Variants in MIPEP observed in about 807,000 individuals in gnomAD.
MIPEP encodes the protein mitochondrial intermediate peptidase.
MIPEP carries 79 observed loss-of-function variants against 90.3 expected under a neutral mutation model. That is an observed-to-expected ratio of 0.87 (90% CI 0.73 to 1.05). The LOEUF is 1.05. MIPEP is among the 50% of genes least tolerant of loss of function. The pLI is 0.00. For missense variants in MIPEP, 940 were observed against 905.6 expected, an observed-to-expected ratio of 1.04 and a Z score of -0.49; for synonymous variants, 334 against 315.8, an observed-to-expected ratio of 1.06 and a Z score of -0.61.
intron 16 of MIPEP, among the ~76,000 whole-genome samples, chr13:23,777,985 A>G (rs1221567609): frequency 2.6e-5 from 4 of 152,254 alleles, no homozygotes; most frequent in Admixed American, 2.6e-4. Context: ...ATAAATGTAA[A>G]CTATCATTTG....
At chr13:23,762,904 G>A (rs2138520049) in intron 16 of MIPEP, among the ~76,000 whole-genome samples, 1 of 152,316 alleles carries the variant, frequency 6.6e-6, no homozygotes, top group South Asian at 2.1e-4. Flanking sequence ...TGCCCTAGGT[G>A]GGAGGAGCTG....
rs1269687709 is a variant in MIPEP at position 23,825,894 on chromosome 13, ACTTCT to A, written c.1653+10341_1653+10345del. Among the ~76,000 whole-genome samples the A allele has an allele frequency of 2.6e-5, 4 of 152,308 alleles. No homozygotes were observed. In the South Asian group the frequency reaches 8.3e-4, roughly 32 times the overall value. ...GAAAAAATTATGAGAGTGAGTATTAACTTCTCTTAACATCGCTTTAAAAATATTCA... is the reference window on the plus strand; with the variant it reads ...GAAAAAATTATGAGAGTGAGTATTAACTTAACATCGCTTTAAAAATATTCA... On this transcript the variant is annotated intron_variant, in intron 14 of 18. Transcript: ENST00000382172.
Position 23,879,291 on chromosome 13 carries a change from C to T in MIPEP, c.516G>A (p.Val172=). 1.2e-6 allele frequency: 2 copies of T among 1,605,032 alleles called. No individual in the cohort carries two copies. The highest frequency in any genetic ancestry group is 1.7e-6 in the Non-Finnish European group (2 of 1,172,264). ...ACCTTGTTTCTGGATCAAGGGAATCCACAAGTTTTTTATCAGCTAGTAATT... is the reference window on the plus strand; with the variant it reads ...ACCTTGTTTCTGGATCAAGGGAATCTACAAGTTTTTTATCAGCTAGTAATT... ...LQKLLADKKL[V]DSLDPETRRV... Residue 172 remains valine, a synonymous_variant, in exon 4 of 19, where the codon GTG becomes GTA. Transcript: ENST00000382172.
At chr13:23,864,042 A>C in intron 8 of MIPEP, 99 bp downstream of exon 8, 1 of 686,746 alleles carries the variant, frequency 1.5e-6, no homozygotes, top group East Asian at 2.8e-5. Flanking sequence ...GCCAAAACTT[A>C]TATTCTAGGT....
intron 18 of MIPEP, among the ~76,000 whole-genome samples, chr13:23,741,519 G>A (rs1952328453): frequency 6.6e-6 from 1 of 152,110 alleles, no homozygotes; most frequent in Non-Finnish European, 1.5e-5. Context: ...ATCTTTTGCA[G>A]AAACCTGGAT....
chr13:23,827,718 G>C (rs1868530412), intron 14 of MIPEP, among the ~76,000 whole-genome samples: 1 of 152,116 alleles, frequency 6.6e-6, no homozygotes, highest in Non-Finnish European at 1.5e-5. Context: ...GATCAACTGG[G>C]GTCAGGAGCT....
In MIPEP at chr13:23,870,047, A is replaced by G. The variant is rs1279111735; in HGVS notation, c.752T>C (p.Ile251Thr). The G allele has an allele frequency of 6.2e-7, 1 of 1,609,324 alleles. No homozygotes were observed. ...NFTSAGDHII[I>T]DGLHAESPDD... is the part of the protein sequence containing the mutation. ...TGGTGATTCTGCGTGGAGACCATCA[A>G]TTATGATATGATCCCCAGCAGATGT... The change falls in exon 6 of 19, where the codon ATT (isoleucine) becomes ACT (threonine). Residue 251 changes from isoleucine to threonine, a missense_variant. Ile to Thr is a moderately conservative substitution (Grantham distance 89). Transcript: ENST00000382172.
At chr13:23,761,556 A>G (rs143933992) in intron 16 of MIPEP, among the ~76,000 whole-genome samples, 85 of 152,328 alleles carry the variant, frequency 5.6e-4, no homozygotes, top group African/African-American at 2.0e-3. Context: ...TCCACTGGAA[A>G]CTTCTTTTCC....
intron 16 of MIPEP, among the ~76,000 whole-genome samples, chr13:23,762,836 C>T (rs1952562179): frequency 6.6e-6 from 1 of 152,172 alleles, no homozygotes; most frequent in Admixed American, 6.5e-5. Context: ...AATACACAAC[C>T]AACAGCGGGG....
At chr13:23,885,841 G>A (rs1440715204) in intron 2 of MIPEP, among the ~76,000 whole-genome samples, 5 of 150,502 alleles carry the variant, frequency 3.3e-5, no homozygotes, top group South Asian at 2.1e-4. Flanking sequence ...TTGGGAGGCC[G>A]AGGCAGGAGG....
intron 14 of MIPEP, among the ~76,000 whole-genome samples, chr13:23,818,214 C>T (rs1395500131): frequency 2.0e-5 from 3 of 151,546 alleles, no homozygotes; most frequent in African/African-American, 4.9e-5. Flanking sequence ...GTCAAGGGTT[C>T]GAGGCCAGTC....
At chr13:23,832,117 T>C (rs1373546484) in intron 14 of MIPEP, among the ~76,000 whole-genome samples, 1 of 152,218 alleles carries the variant, frequency 6.6e-6, no homozygotes, top group Non-Finnish European at 1.5e-5. Flanking sequence ...ATGAGGGCTC[T>C]GCCCTCATAA....
intron 18 of MIPEP, 54 bp from the exon 19 acceptor site, chr13:23,730,499 C>G: frequency 8.5e-7 from 1 of 1,171,000 alleles, no homozygotes; most frequent in Non-Finnish European, 1.3e-6. Context: ...ACAGGAAGCA[C>G]AAAGACACAA....
intron 18 of MIPEP, among the ~76,000 whole-genome samples, chr13:23,751,410 T>A (rs1168997827): frequency 6.6e-6 from 1 of 152,180 alleles, no homozygotes; most frequent in Non-Finnish European, 1.5e-5. Context: ...ACAAACAAAA[T>A]CGAGTTTCAG....
chr13:23,781,024 C>T (rs1175291796), intron 16 of MIPEP, among the ~76,000 whole-genome samples: 1 of 152,198 alleles, frequency 6.6e-6, no homozygotes, highest in Non-Finnish European at 1.5e-5. Flanking sequence ...AGTTGGAAAA[C>T]ACTCTGCAGG....
At chr13:23,793,638 T>C (rs1217186671) in intron 16 of MIPEP, among the ~76,000 whole-genome samples, 1 of 152,062 alleles carries the variant, frequency 6.6e-6, no homozygotes, top group East Asian at 1.9e-4. Context: ...GCCATGCTGT[T>C]CTTTGAGGTT....
intron 4 of MIPEP, among the ~76,000 whole-genome samples, chr13:23,876,572 G>A (rs1378251394): frequency 1.3e-5 from 2 of 150,180 alleles, no homozygotes; most frequent in African/African-American, 4.9e-5. Context: ...AGAATCTTTT[G>A]CCCATTTTTC....
Position 23,886,504 on chromosome 13 carries a change from A to G in MIPEP, c.192T>C (p.Gly64=), listed in dbSNP as rs1390872840. 21 of 1,561,002 alleles carry G rather than the reference A, an allele frequency of 1.3e-5. No individual in the cohort carries two copies. Among genetic ancestry groups the G allele is most frequent in the African/African-American group, 4.2e-5 (3 of 72,070 alleles). ...CACTCAGCTCAGGAACTCCAAAAAG[A>G]CCCTTAGAACCAAAGAATACGTCTG... is the stretch of plus-strand genomic sequence containing the variant. The part of the protein sequence containing the change: ...SRLDLFGERR[G]LFGVPELSAP... The change falls in exon 2 of 19, where the codon GGT becomes GGC. Residue 64 remains glycine (G), a splice_region_variant and synonymous_variant. Transcript: ENST00000382172.
At chr13:23,747,257 C>T (rs1449765732) in intron 18 of MIPEP, among the ~76,000 whole-genome samples, 1 of 152,188 alleles carries the variant, frequency 6.6e-6, no homozygotes, top group Non-Finnish European at 1.5e-5. Flanking sequence ...CTTTGCCTTT[C>T]CTGCATGGAG....
Sources: gnomAD v4.1 joint callset for allele counts (sites outside exome capture counted in the v4.1 genomes callset) on GRCh38, gnomAD v4.1.1 for gene constraint, MANE v1.5 for transcripts, NCBI Gene and HGNC (gene_info 2026-07-23, HGNC 2026-07-21) for gene names.